WWOX: variants seen among roughly 807,000 people sequenced by gnomAD.
WWOX encodes the protein WW domain containing oxidoreductase.
Under a neutral mutation model 46.2 loss-of-function variants are expected in WWOX, and 69 were observed. That is an observed-to-expected ratio of 1.49 (90% confidence interval 1.23 to 1.82). The LOEUF (loss-of-function observed/expected upper bound fraction) is 1.82. WWOX is among the 40% of genes most tolerant of loss of function. The pLI, the probability that WWOX is intolerant of heterozygous loss-of-function variation, is 0.00. For missense variants in WWOX, 919 were observed against 542.6 expected, an observed-to-expected ratio of 1.69 and a Z score of -6.89; for synonymous variants, 359 against 202.6, an observed-to-expected ratio of 1.77 and a Z score of -6.56.
In WWOX at chr16:78,861,636, AT is replaced by A. The variant is rs142700100; in HGVS notation, c.1057-349969del. ...ATCACACCCAAAAACATCACAAATT[AT>A]TTAATATCATGAAGTGAAGGCCCAT... On this transcript the variant is annotated intron_variant, in intron 8 of 8. Coordinates refer to ENST00000566780, the MANE Select transcript of WWOX (RefSeq NM_016373.4). Among the ~76,000 whole-genome samples the A allele has an allele frequency of 4.3e-3, 648 of 152,346 alleles. 6 individuals are homozygous for A. The highest frequency in any genetic ancestry group is 0.042 in the East Asian group (217 of 5,186).
chr16:78,804,567 C>T (rs2050978465), intron 8 of WWOX, among the ~76,000 whole-genome samples: 2 of 152,208 alleles, frequency 1.3e-5, no homozygotes, highest in Non-Finnish European at 2.9e-5. Flanking sequence ...TGGTTTCTCC[C>T]ACTGGAGGGA....
intron 8 of WWOX, among the ~76,000 whole-genome samples, chr16:78,786,697 G>A (rs1182079478): frequency 6.6e-6 from 1 of 152,130 alleles, no homozygotes; most frequent in Non-Finnish European, 1.5e-5. Flanking sequence ...TGTGCCCATA[G>A]TTGGCAGTTT....
At position 78,529,132 on chromosome 16, in the gene WWOX, T is replaced by C. The variant is rs193129399; in HGVS notation, c.1056+96380T>C. Among the ~76,000 whole-genome samples the C allele has an allele frequency of 1.9e-3, 286 of 151,900 alleles. 1 individual carries two copies. Among genetic ancestry groups the C allele is most frequent in the Admixed American group, 3.6e-3 (55 of 15,264 alleles). ...CCATGCCCAGCTAAGTTTGTTCATT[T>C]TTTGTAGATACAGGGTCTGACTGTA... is the stretch of plus-strand genomic sequence containing the variant. On this transcript the variant is annotated intron_variant, in intron 8 of 8. Transcript: ENST00000566780.
intron 8 of WWOX, among the ~76,000 whole-genome samples, chr16:78,753,098 C>T (rs1324890647): frequency 1.3e-5 from 2 of 152,108 alleles, no homozygotes; most frequent in African/African-American, 2.4e-5. Flanking sequence ...AGATGGAGAC[C>T]ATCCTGGCTA....
intron 5 of WWOX, among the ~76,000 whole-genome samples, chr16:78,272,556 A>G (rs1188537974): frequency 1.3e-5 from 2 of 152,172 alleles, no homozygotes; most frequent in Non-Finnish European, 2.9e-5. Flanking sequence ...GGTAGAAGTG[A>G]CAAAGAATTT....
At chr16:78,923,012 G>C (rs1189562527) in intron 8 of WWOX, among the ~76,000 whole-genome samples, 1 of 97,476 alleles carries the variant, frequency 1.0e-5, no homozygotes, top group African/African-American at 4.1e-5. Context: ...ACAGAGTTTT[G>C]CTCTTATTGC....
chr16:78,370,064 G>A (rs1402971665), intron 5 of WWOX, among the ~76,000 whole-genome samples: 1 of 146,384 alleles, frequency 6.8e-6, no homozygotes, highest in Non-Finnish European at 1.5e-5. Flanking sequence ...CTTGGGAGCT[G>A]GAGCTTGCAG....
intron 8 of WWOX, chr16:78,553,326 AG>A (rs2044217349): frequency 6.6e-6 from 1 of 152,246 alleles, no homozygotes; most frequent in Non-Finnish European, 1.5e-5. Flanking sequence ...ACAGGAAAGA[AG>A]GGGCCAGGCA....
intron 8 of WWOX, among the ~76,000 whole-genome samples, chr16:79,189,941 G>T (rs577114243): frequency 6.7e-5 from 10 of 148,994 alleles, no homozygotes; most frequent in African/African-American, 2.2e-4. Context: ...GGAAGGGGGG[G>T]GGGATAAAGA....
At chr16:78,231,406 C>T (rs78655625) in intron 5 of WWOX, among the ~76,000 whole-genome samples, 1 of 152,160 alleles carries the variant, frequency 6.6e-6, no homozygotes, top group South Asian at 2.1e-4. Context: ...CAATAAAACA[C>T]AGGATAATGT....
intron 8 of WWOX, among the ~76,000 whole-genome samples, chr16:78,606,249 T>C (rs1276134366): frequency 6.6e-6 from 1 of 152,236 alleles, no homozygotes; most frequent in Non-Finnish European, 1.5e-5. Context: ...CTTTGTAGTC[T>C]CTTTTTTAAT....
rs114773586 is a variant in WWOX, at chr16:79,137,227, A to G, written c.1057-74381A>G. On this transcript the variant is annotated intron_variant, in intron 8 of 8. Transcript: ENST00000566780. The stretch of plus-strand genomic sequence containing the variant: ...TATGCATGCCATACCCATGCTCTCT[A>G]TTTCCTCGATAGACCTTATAGAAAT... 5.0e-3 allele frequency among the ~76,000 whole-genome samples: 754 copies of G among 152,220 alleles called. 4 individuals carry two copies. The highest frequency in any genetic ancestry group is 0.017 in the African/African-American group (723 of 41,522).
intron 8 of WWOX, among the ~76,000 whole-genome samples, chr16:79,059,628 G>A (rs989435977): frequency 6.6e-6 from 1 of 152,160 alleles, no homozygotes; most frequent in Non-Finnish European, 1.5e-5. Context: ...CCAAGTAGCT[G>A]GGATTATAGG....
At chr16:78,123,938 G>T (rs1162157819) in intron 4 of WWOX, 1 of 152,128 alleles carries the variant, frequency 6.6e-6, no homozygotes, top group Non-Finnish European at 1.5e-5. Flanking sequence ...TATTAAACCA[G>T]CTACTTAATG....
rs1036266238 is a variant in WWOX, at chr16:78,514,218, A to G, written c.1056+81466A>G. On this transcript the variant is annotated intron_variant, in intron 8 of 8. Transcript: ENST00000566780. ...CTATGTTATAGAACATTCTAAAAAG[A>G]GCAGATTTTAATATCTTTCCTCCCA... 2.0e-5 allele frequency among the ~76,000 whole-genome samples: 3 copies of G among 152,318 alleles called. No individual in the cohort carries two copies. In the East Asian group the frequency reaches 5.8e-4, roughly 29 times the overall value.
At chr16:78,359,289 A>G (rs945592802) in intron 5 of WWOX, among the ~76,000 whole-genome samples, 7 of 152,212 alleles carry the variant, frequency 4.6e-5, no homozygotes, top group African/African-American at 1.7e-4. Context: ...TCAGTTTTAA[A>G]TAAGTTTTGA....
chr16:78,735,968 C>G (rs1693315782), intron 8 of WWOX, among the ~76,000 whole-genome samples: 1 of 151,932 alleles, frequency 6.6e-6, no homozygotes, highest in Admixed American at 6.5e-5. Flanking sequence ...TGTGAGAAAA[C>G]TAGTGTGCCA....
intron 8 of WWOX, among the ~76,000 whole-genome samples, chr16:78,629,172 C>T (rs149888251): frequency 4.1e-4 from 63 of 152,054 alleles, no homozygotes; most frequent in African/African-American, 1.5e-3. Context: ...TTGGAGTTTT[C>T]CCTTTGGGGT....
chr16:78,898,224 G>A (rs1204309858), intron 8 of WWOX: 1 of 151,852 alleles, frequency 6.6e-6, no homozygotes, highest in Admixed American at 6.6e-5. Flanking sequence ...CAATCACCAG[G>A]TCACAAAAAT....
Sources: gnomAD v4.1 joint callset for allele counts (sites outside exome capture counted in the v4.1 genomes callset) on GRCh38, gnomAD v4.1.1 for gene constraint, MANE v1.5 for transcripts, NCBI Gene and HGNC (gene_info 2026-07-23, HGNC 2026-07-21) for gene names.